The following GSE1 variants were observed in gnomAD, a reference collection of about 807,000 sequenced individuals.
The protein encoded by GSE1 is genetic suppressor element 1.
A neutral mutation model predicts 112.6 loss-of-function variants in GSE1; 32 were observed. The ratio of observed to expected loss-of-function variants is 0.28; its 90% CI spans 0.21 to 0.38. The LOEUF (loss-of-function observed/expected upper bound fraction) is 0.38, where lower values mean the gene tolerates loss of function less well. Ranked by LOEUF, GSE1 falls within the 10% of genes least tolerant of loss-of-function variation. The pLI is 1.00. For synonymous variants in GSE1, 1,115 were observed against 735.6 expected (o/e 1.52, Z -8.35); for missense variants, 2,348 against 1,699.2 (o/e 1.38, Z -6.71).
At chr16:85,614,208 G>A (rs935559865) in intron 1 of GSE1, among the ~76,000 whole-genome samples, 1 of 151,826 alleles carries the variant, frequency 6.6e-6, no homozygotes, top group African/African-American at 2.4e-5. Flanking sequence ...CCGCCTGGAT[G>A]CGCCTCCCCG....
intron 2 of GSE1, among the ~76,000 whole-genome samples, chr16:85,466,207 C>G (rs762629872): frequency 5.3e-5 from 8 of 152,254 alleles, no homozygotes; most frequent in South Asian, 2.1e-4. Flanking sequence ...ACCTGGCTGC[C>G]TGCCAGCTGA....
intron 1 of GSE1, among the ~76,000 whole-genome samples, chr16:85,229,159 GC>G (rs1219376350): frequency 6.6e-6 from 1 of 152,250 alleles, no homozygotes; most frequent in East Asian, 1.9e-4. Flanking sequence ...CTAAGAGGAC[GC>G]CCCCCTTTGT....
intron 1 of GSE1, among the ~76,000 whole-genome samples, chr16:85,622,434 C>G (rs777603233): frequency 6.6e-6 from 1 of 152,140 alleles, no homozygotes; most frequent in African/African-American, 2.4e-5. Flanking sequence ...GGAGGGTGTT[C>G]ATACTCGTGG....
intron 1 of GSE1, among the ~76,000 whole-genome samples, chr16:85,205,779 T>A (rs35205163): frequency 6.6e-6 from 1 of 152,140 alleles, no homozygotes; most frequent in African/African-American, 2.4e-5. Flanking sequence ...ATCTGTGAAA[T>A]CCTCGCAGAC....
At chr16:85,672,196 T>C (rs1228223807) in intron 15 of GSE1, 4 of 572,722 alleles carry the variant, frequency 7.0e-6, no homozygotes, top group African/African-American at 3.7e-5. Flanking sequence ...GGTTTCCCCA[T>C]GTTGGCCAGG....
chr16:85,586,641 G>GC (rs879638744), intron 1 of GSE1, among the ~76,000 whole-genome samples: 75 of 152,058 alleles, frequency 4.9e-4, no homozygotes, highest in Non-Finnish European at 8.8e-4. Flanking sequence ...CGGCCCCCGC[G>GC]CCCCCCCGAC....
At chr16:85,499,764 C>G (rs941007330) in intron 2 of GSE1, among the ~76,000 whole-genome samples, 3 of 152,210 alleles carry the variant, frequency 2.0e-5, no homozygotes, top group Non-Finnish European at 2.9e-5. Context: ...AACCCACCCT[C>G]CAGTACCATT....
chr16:85,327,284 G>C (rs924442243), intron 1 of GSE1, among the ~76,000 whole-genome samples: 6 of 152,208 alleles, frequency 3.9e-5, no homozygotes, highest in African/African-American at 1.4e-4. Context: ...CTCCTGCCCG[G>C]GTCCAAGGGA....
intron 2 of GSE1, among the ~76,000 whole-genome samples, chr16:85,516,570 A>G (rs1411694383): frequency 1.4e-5 from 2 of 147,352 alleles, no homozygotes; most frequent in Admixed American, 1.4e-4. Flanking sequence ...ACAAGGCAAC[A>G]GAGGAGACCC....
At chr16:85,475,975 A>G (rs1317008782) in intron 2 of GSE1, among the ~76,000 whole-genome samples, 1 of 151,716 alleles carries the variant, frequency 6.6e-6, no homozygotes, top group Non-Finnish European at 1.5e-5. Context: ...CTGTCACCCG[A>G]GTTGGAGTGC....
chr16:85,292,620 C>T (rs982011512), intron 1 of GSE1, among the ~76,000 whole-genome samples: 2 of 152,078 alleles, frequency 1.3e-5, no homozygotes, highest in African/African-American at 4.8e-5. Context: ...AGCCACTGTG[C>T]CTGGCCTAAT....
At chr16:85,404,307 T>A (rs1169127947) in intron 2 of GSE1, among the ~76,000 whole-genome samples, 81 of 74,690 alleles carry the variant, frequency 1.1e-3, no homozygotes, top group African/African-American at 3.9e-3. Flanking sequence ...GCCCCCCGGA[T>A]AATCCTCACT....
In GSE1 at chr16:85,386,480, A is replaced by G. The variant is rs530456649; in HGVS notation, c.2464+28837A>G. On this transcript the variant is annotated intron_variant, in intron 2 of 2. Coordinates refer to the GSE1 transcript ENST00000637419. ...GGGTGAGCTGTCGCCATGACGGGCT[A>G]TGTCTGGCAGCTTGGGCACCTACTG... 1.6e-4 allele frequency among the ~76,000 whole-genome samples: 24 copies of G among 152,316 alleles called. No individual in the cohort carries two copies. In the South Asian group the frequency reaches 1.9e-3, roughly 12 times the overall value.
intron 1 of GSE1, among the ~76,000 whole-genome samples, chr16:85,323,720 A>G (rs1337826066): frequency 6.6e-6 from 1 of 152,180 alleles, no homozygotes; most frequent in Non-Finnish European, 1.5e-5. Flanking sequence ...GCCGGCCCCA[A>G]GGGGGGCAAC....
chr16:85,546,564 G>A, intron 2 of GSE1, among the ~76,000 whole-genome samples: 1 of 152,246 alleles, frequency 6.6e-6, no homozygotes, highest in African/African-American at 2.4e-5. Context: ...GGGAGTTGAT[G>A]GAGGTGTTGC....
intron 2 of GSE1, among the ~76,000 whole-genome samples, chr16:85,502,526 G>T (rs1027669905): frequency 1.3e-5 from 2 of 152,234 alleles, no homozygotes; most frequent in African/African-American, 4.8e-5. Context: ...CCGGGCTTCT[G>T]GAACTCAGCC....
chr16:85,460,446 T>C (rs1212817961), intron 2 of GSE1, among the ~76,000 whole-genome samples: 1 of 152,212 alleles, frequency 6.6e-6, no homozygotes. Context: ...GATTTGGCCT[T>C]GGAAACCACA....
chr16:85,672,843 A>G lies in GSE1; in HGVS notation c.*304A>G, dbSNP rs995517638. ...TTAATCTGAACATGAAGGCTCCATT[A>G]GCAACACTAAAACTTGATCATTAAC... On this transcript the variant is annotated 3_prime_UTR_variant, in exon 16 of 16. Transcript: ENST00000253458. 3.1e-4 allele frequency: 65 copies of G among 208,264 alleles called. No individual in the cohort carries two copies. Among genetic ancestry groups the G allele is most frequent in the African/African-American group, 1.4e-3 (60 of 43,436 alleles). The allele number at this position is 208,264 out of a possible 1,614,324, so 12.9% of individuals were successfully genotyped here.
chr16:85,253,589 G>A (rs1351793458), intron 1 of GSE1, among the ~76,000 whole-genome samples: 2 of 152,210 alleles, frequency 1.3e-5, no homozygotes, highest in African/African-American at 4.8e-5. Context: ...GTGCCAGGGT[G>A]GGCTATGGCA....
Sources: gnomAD v4.1 joint callset for allele counts (sites outside exome capture counted in the v4.1 genomes callset) on GRCh38, gnomAD v4.1.1 for gene constraint, MANE v1.5 for transcripts, NCBI Gene and HGNC (gene_info 2026-07-23, HGNC 2026-07-21) for gene names.